The following OR2V1 variants were observed in gnomAD, a reference collection of about 807,000 sequenced individuals.
The protein encoded by OR2V1 is olfactory receptor family 2 subfamily V member 1.
OR2V1 carries 18 observed loss-of-function variants against 15.0 expected under a neutral mutation model. That is an observed-to-expected ratio of 1.20 (90% CI 0.83 to 1.78). The LOEUF is 1.78. OR2V1 is among the 40% of genes most tolerant of loss of function. The pLI is 0.00. For missense variants in OR2V1, 359 were observed against 392.9 expected (o/e 0.91, Z 0.73); for synonymous variants, 144 against 146.1 (o/e 0.99, Z 0.10).
Position 181,125,900 on chromosome 5 carries a change from G to A in OR2V1, c.-21-575C>T, listed in dbSNP as rs532359020. Among the ~76,000 whole-genome samples the A allele has an allele frequency of 1.2e-3, 179 of 152,218 alleles. 2 individuals are homozygous for A. The highest frequency in any genetic ancestry group is 4.1e-3 in the African/African-American group (170 of 41,516). On this transcript the variant is annotated intron_variant, in intron 3 of 3. Transcript: ENST00000641551. ...CTCGGGAGGCTGAGGCAGGAGAATC[G>A]CTTGAACCCAGGAGGTGGAGGTTGC...
At chr5:181,130,843 A>T (rs1478801739) in intron 1 of OR2V1, among the ~76,000 whole-genome samples, 2 of 152,060 alleles carry the variant, frequency 1.3e-5, no homozygotes, top group Admixed American at 6.6e-5. Flanking sequence ...ACACATCAGC[A>T]CTTCCCAGCG....
rs575995595 is a variant in OR2V1, at chr5:181,124,649, T to C, written c.656A>G (p.Tyr219Cys). ...LLPFSIIMAS[Y>C]ACILGAVLRI... is the part of the protein sequence containing the mutation. The stretch of plus-strand genomic sequence containing the variant: ...GAGCACAGCCCCTAGGATGCAAGCA[T>C]AGGAGGCCATGATGATGGAGAAGGG... Residue 219 changes from tyrosine (Y) to cysteine (C), a missense_variant, in exon 4 of 4, where the codon TAT becomes TGT. Tyr to Cys is a radical substitution (Grantham distance 194). Transcript: ENST00000641551. 4.0e-5 allele frequency: 64 copies of C among 1,613,400 alleles called. No individual in the cohort carries two copies. The highest frequency in any genetic ancestry group is 2.0e-4 in the African/African-American group (15 of 74,880).
chr5:181,125,335 T>C lies in OR2V1; in HGVS notation c.-21-10A>G. ...AGTTGTTCACTGTCACCTGAGAACA[T>C]AAGAGAAATTATAAGATTGAGTGAC... is the stretch of plus-strand genomic sequence containing the variant. On this transcript the variant is annotated splice_polypyrimidine_tract_variant and intron_variant, in intron 3 of 3. Transcript: ENST00000641551. 6.4e-7 allele frequency: 1 copy of C among 1,572,148 alleles called. No individual in the cohort carries two copies. Among genetic ancestry groups the C allele is most frequent in the Non-Finnish European group, 8.7e-7 (1 of 1,151,956 alleles).
chr5:181,129,823 C>T (rs1157277588), intron 2 of OR2V1, among the ~76,000 whole-genome samples: 1 of 152,214 alleles, frequency 6.6e-6, no homozygotes, highest in African/African-American at 2.4e-5. Context: ...GCACTCCCCA[C>T]ACATCTGTCC....
chr5:181,126,846 C>A (rs370769882), intron 3 of OR2V1, among the ~76,000 whole-genome samples: 3 of 152,200 alleles, frequency 2.0e-5, no homozygotes, highest in African/African-American at 7.2e-5. Flanking sequence ...ACACCCCGCA[C>A]GTCCCTCTGA....
intron 3 of OR2V1, among the ~76,000 whole-genome samples, chr5:181,126,859 T>C (rs1762879991): frequency 1.3e-5 from 2 of 151,892 alleles, no homozygotes; most frequent in Non-Finnish European, 2.9e-5. Flanking sequence ...CCCTCTGAGG[T>C]CCCCTCGGGC....
Position 181,124,212 on chromosome 5 carries a change from TA to T in OR2V1, c.*144del. 1 of 669,412 alleles carries T rather than the reference TA, an allele frequency of 1.5e-6. No individual in the cohort carries two copies. The highest frequency in any genetic ancestry group is 2.2e-6 in the Non-Finnish European group (1 of 444,772). The allele number at this position is 669,412 out of a possible 1,614,324, so 41.5% of individuals were successfully genotyped here. A position where few individuals can be genotyped will look rare whatever the true frequency, so the allele number is the denominator to read the frequency against. On this transcript the variant is annotated 3_prime_UTR_variant, in exon 4 of 4. Transcript: ENST00000641551. Reference sequence around the variant, plus strand: ...TTTTTTTTTGGTACAGAAATGTTCATAATGGCTTTTCTCATGATGGCCAAAA... The same window carrying T: ...TTTTTTTTTGGTACAGAAATGTTCATATGGCTTTTCTCATGATGGCCAAAA...
intron 3 of OR2V1, among the ~76,000 whole-genome samples, chr5:181,128,044 C>A (rs746970587): frequency 6.6e-6 from 1 of 152,098 alleles, no homozygotes; most frequent in Non-Finnish European, 1.5e-5. Context: ...AGCTGTGTCA[C>A]GGGCTTGTTC....
intron 3 of OR2V1, among the ~76,000 whole-genome samples, chr5:181,126,203 C>T (rs1287468530): frequency 1.3e-5 from 2 of 152,128 alleles, no homozygotes; most frequent in Admixed American, 1.3e-4. Context: ...CTGGTCCCAG[C>T]CACCCTCCTT....
In OR2V1 at chr5:181,124,366, G is replaced by T; in HGVS notation, c.939C>A (p.Ser313Arg). Reference sequence around the variant, plus strand: ...CACCAGACTCTGGGGTTCAGTGCTGGCTGCCAATCCTGCAGCGGTCCAGCC... The same window carrying T: ...CACCAGACTCTGGGGTTCAGTGCTGTCTGCCAATCCTGCAGCGGTCCAGCC... The part of the protein sequence containing the change: ...RKGLDRCRIG[S>R]QH Residue 313 changes from serine to arginine, a missense_variant, in exon 4 of 4, where the codon AGC (serine) becomes AGA (arginine). Physicochemically the swap from Ser to Arg is moderately radical, Grantham distance 110 (BLOSUM62 -1). Coordinates refer to ENST00000641551, the MANE Select transcript of OR2V1 (RefSeq NM_001258283.2). 6.4e-7 allele frequency: 1 copy of T among 1,574,674 alleles called. No homozygotes were observed.
intron 3 of OR2V1, among the ~76,000 whole-genome samples, chr5:181,126,457 C>CACACACAG (rs1554095046): frequency 2.4e-5 from 3 of 125,986 alleles, no homozygotes; most frequent in African/African-American, 8.3e-5. Context: ...CACACACACA[C>CACACACAG]AGAGACACAC....
In OR2V1 at chr5:181,125,260, G is replaced by A. The variant is rs755969930; in HGVS notation, c.45C>T (p.Leu15=). Residue 15 remains leucine, a synonymous_variant, in exon 4 of 4, where the codon CTC becomes CTT. Coordinates refer to ENST00000641551, the MANE Select transcript of OR2V1 (RefSeq NM_001258283.2). ...VNQSYTDGFF[L]LGIFSHSQTD... ...TCTGGCTGTGGGAAAAGATGCCCAA[G>A]AGGAAGAAGCCATCTGTGTAGGACT... The A allele has an allele frequency of 1.9e-6, 3 of 1,613,742 alleles. No homozygotes were observed. The highest frequency in any genetic ancestry group is 2.5e-6 in the Non-Finnish European group (3 of 1,180,050).
intron 3 of OR2V1, among the ~76,000 whole-genome samples, chr5:181,127,145 G>A (rs541916148): frequency 5.3e-5 from 8 of 152,328 alleles, no homozygotes; most frequent in African/African-American, 1.9e-4. Context: ...GACCGTCCCC[G>A]TCTGTGAGAT....
intron 3 of OR2V1, 140 bp from the exon 4 acceptor site, chr5:181,125,465 C>A: frequency 6.2e-6 from 4 of 648,960 alleles, no homozygotes; most frequent in Non-Finnish European, 1.1e-5. Flanking sequence ...CCTCTGCCAG[C>A]TCTGGAATTG....
intron 3 of OR2V1, among the ~76,000 whole-genome samples, chr5:181,127,510 C>T (rs988329095): frequency 3.9e-5 from 6 of 152,146 alleles, no homozygotes; most frequent in Non-Finnish European, 5.9e-5. Flanking sequence ...CTCACTGCAG[C>T]GTTAAATGAG....
Position 181,129,584 on chromosome 5 carries a change from G to GA in OR2V1, c.-77-10dup, listed in dbSNP as rs896040172. On this transcript the variant is annotated splice_polypyrimidine_tract_variant and intron_variant, in intron 2 of 3. Coordinates refer to ENST00000641551, the MANE Select transcript of OR2V1 (RefSeq NM_001258283.2). ...ACACAGACGGCAAGATCCTGTCTCA[G>GA]AAAAAAAAAATTGTATTATGAAACA... 1.1e-3 allele frequency: 161 copies of GA among 150,026 alleles called. No individual in the cohort carries two copies. The highest frequency in any genetic ancestry group is 1.9e-3 in the Non-Finnish European group (126 of 67,370). The allele number at this position is 150,026 out of a possible 1,614,324, so 9.3% of individuals were successfully genotyped here. A position where few individuals can be genotyped will look rare whatever the true frequency, so the allele number is the denominator to read the frequency against.
chr5:181,128,611 C>T (rs948067159), intron 3 of OR2V1, among the ~76,000 whole-genome samples: 2 of 152,214 alleles, frequency 1.3e-5, no homozygotes, highest in African/African-American at 4.8e-5. Context: ...TGGACACTTT[C>T]TCTCACCTCC....
At position 181,125,224 on chromosome 5, in the gene OR2V1, G is replaced by A. The variant is rs1561623035; in HGVS notation, c.81C>T (p.Val27=). ...AGACCACCATAACTGCAGAGAAGAG[G>A]ACAAGGTCAGTCTGGCTGTGGGAAA... The part of the protein sequence containing the change: ...GIFSHSQTDL[V]LFSAVMVVFT... The change falls in exon 4 of 4, where the codon GTC becomes GTT. Residue 27 remains valine (V), a synonymous_variant. Transcript: ENST00000641551. 6.2e-7 allele frequency: 1 copy of A among 1,614,134 alleles called. No individual in the cohort carries two copies. Among genetic ancestry groups the A allele is most frequent in the Admixed American group, 1.7e-5 (1 of 60,030 alleles).
rs1161473270 is a variant in OR2V1, at chr5:181,124,161, C to T, written c.*196G>A. ...GATCTTTACAAAATCCCTCAGAGCA[C>T]GAGTGTCCTGATTATCTTTTTTTCC... On this transcript the variant is annotated 3_prime_UTR_variant, in exon 4 of 4. Transcript: ENST00000641551. The T allele has an allele frequency of 8.5e-6, 4 of 468,970 alleles. No homozygotes were observed. The highest frequency in any genetic ancestry group is 1.1e-5 in the Non-Finnish European group (3 of 276,426). 29.1% of individuals were successfully genotyped at this position (468,970 alleles called of 1,614,324 possible). A position where few individuals can be genotyped will look rare whatever the true frequency, so the allele number is the denominator to read the frequency against.
Sources: gnomAD v4.1 joint callset for allele counts (sites outside exome capture counted in the v4.1 genomes callset) on GRCh38, gnomAD v4.1.1 for gene constraint, MANE v1.5 for transcripts, NCBI Gene and HGNC (gene_info 2026-07-23, HGNC 2026-07-21) for gene names.